The following SYTL5 variants were observed in gnomAD, a reference collection of about 807,000 sequenced individuals.
SYTL5 encodes the protein synaptotagmin-like protein 5.
SYTL5 carries 34 observed loss-of-function variants against 55.9 expected under a neutral mutation model. That is an observed-to-expected ratio of 0.61 (90% CI 0.46 to 0.81). The LOEUF (loss-of-function observed/expected upper bound fraction) is 0.81. SYTL5 is among the 30% of genes least tolerant of loss of function. The pLI, the probability that SYTL5 is intolerant of heterozygous loss-of-function variation, is 0.00. For synonymous variants in SYTL5, 221 were observed against 188.7 expected, an observed-to-expected ratio of 1.17 and a Z score of -1.40; for missense variants, 637 against 546.7, an observed-to-expected ratio of 1.17 and a Z score of -1.65.
the SYTL5 span, among the ~76,000 whole-genome samples, chrX:37,985,134 A>G: frequency 3.6e-5 from 4 of 112,032 alleles, no homozygotes; most frequent in South Asian, 1.5e-3. Context: ...AGGGTAGTTA[A>G]GCAAAGATAC....
At chrX:38,035,597 A>G (rs760973499) in intron 2 of SYTL5, among the ~76,000 whole-genome samples, 109 of 109,152 alleles carry the variant, frequency 1.0e-3, no homozygotes, top group African/African-American at 3.4e-3. Flanking sequence ...TCTCAAAAAA[A>G]AAAAAAAAAT....
At chrX:37,946,572 T>C in the SYTL5 span, 5,090 of 165,786 alleles carry the variant, frequency 0.031, 88 homozygotes, top group African/African-American at 0.07. Context: ...AAACTATTGA[T>C]GCCCATCGTG....
chrX:38,011,445 C>T (rs747382547), intron 1 of SYTL5, among the ~76,000 whole-genome samples: 4 of 108,839 alleles, frequency 3.7e-5, no homozygotes, highest in African/African-American at 1.3e-4. Context: ...TCCTGGCTAA[C>T]ATGGTGAAAC....
At chrX:38,089,651 A>G in intron 7 of SYTL5, 64 bp downstream of exon 7, 1 of 1,075,684 alleles carries the variant, frequency 9.3e-7, no homozygotes, top group Non-Finnish European at 1.3e-6. Context: ...AAGAACTGCC[A>G]GAGATTGGGT....
the SYTL5 span, among the ~76,000 whole-genome samples, chrX:37,917,722 GT>G: frequency 4.5e-5 from 5 of 111,269 alleles, no homozygotes; most frequent in African/African-American, 1.6e-4. Flanking sequence ...TGTTACTGAT[GT>G]TTTTTTCAGA....
At chrX:38,040,832 C>G (rs769010578) in intron 2 of SYTL5, among the ~76,000 whole-genome samples, 1 of 111,531 alleles carries the variant, frequency 9.0e-6, no homozygotes, top group Non-Finnish European at 1.9e-5. Flanking sequence ...GGGTATATAC[C>G]TAGGAGTGGG....
At chrX:37,996,412 G>A in the SYTL5 span, among the ~76,000 whole-genome samples, 1 of 112,292 alleles carries the variant, frequency 8.9e-6, no homozygotes, top group African/African-American at 3.2e-5. Context: ...GAGTCTCTCT[G>A]GCCTGTATCC....
At chrX:38,018,510 T>C (rs1346166941) in intron 1 of SYTL5, among the ~76,000 whole-genome samples, 3 of 111,699 alleles carry the variant, frequency 2.7e-5, no homozygotes, top group African/African-American at 9.8e-5. Flanking sequence ...ACCTTTGTTG[T>C]TGCACCATAA....
the SYTL5 span, among the ~76,000 whole-genome samples, chrX:37,950,886 G>A: frequency 1.8e-5 from 2 of 110,817 alleles, no homozygotes; most frequent in African/African-American, 6.5e-5. Context: ...GTTAATCAGT[G>A]CAGCACATGA....
At chrX:37,924,260 T>G in the SYTL5 span, among the ~76,000 whole-genome samples, 40 of 111,755 alleles carry the variant, frequency 3.6e-4, no homozygotes, top group African/African-American at 1.3e-3. Context: ...AGTCATGGGT[T>G]CAAATCCTAC....
In SYTL5 at chrX:38,092,142, C is replaced by T. The variant is rs1039461355; in HGVS notation, c.832-2153C>T. On this transcript the variant is annotated intron_variant, in intron 7 of 16. Coordinates refer to ENST00000297875, the MANE Select transcript of SYTL5 (RefSeq NM_138780.3). ...TTAGATGATGAGCAAGGTAACAACT[C>T]AGTTTCTCCCATTTCTTAGCATCTC... Among the ~76,000 whole-genome samples the T allele has an allele frequency of 4.5e-5, 5 of 112,256 alleles. No homozygotes were observed. In the East Asian group the frequency reaches 1.4e-3, roughly 31 times the overall value.
the SYTL5 span, among the ~76,000 whole-genome samples, chrX:37,982,105 A>G: frequency 2.7e-5 from 3 of 112,533 alleles, no homozygotes; most frequent in Non-Finnish European, 5.6e-5. Flanking sequence ...ATGTGATGTA[A>G]CAGACAAGGA....
the SYTL5 span, among the ~76,000 whole-genome samples, chrX:37,964,279 A>C: frequency 1.8e-5 from 2 of 111,801 alleles, no homozygotes; most frequent in African/African-American, 6.5e-5. Flanking sequence ...CTTGATCTTG[A>C]ATTTCTCACC....
the SYTL5 span, among the ~76,000 whole-genome samples, chrX:37,974,122 T>C: frequency 3.6e-5 from 4 of 111,088 alleles, no homozygotes; most frequent in East Asian, 8.5e-4. Flanking sequence ...TCTAGAGATA[T>C]AATGTACAGT....
At chrX:37,982,412 T>A in the SYTL5 span, among the ~76,000 whole-genome samples, 1 of 111,764 alleles carries the variant, frequency 8.9e-6, no homozygotes, top group East Asian at 2.8e-4. Flanking sequence ...TTTAAAAAAA[T>A]TAAAGAAAGT....
the SYTL5 span, among the ~76,000 whole-genome samples, chrX:37,979,384 A>C: frequency 2.8e-5 from 3 of 107,777 alleles, no homozygotes; most frequent in South Asian, 1.3e-3. Context: ...TTAAATCTTT[A>C]ATATCTAGCT....
the SYTL5 span, among the ~76,000 whole-genome samples, chrX:37,984,486 G>A: frequency 8.9e-6 from 1 of 111,898 alleles, no homozygotes; most frequent in South Asian, 3.7e-4. Flanking sequence ...GATTGAATTA[G>A]TAATCAAAAA....
At chrX:38,108,396 T>C (rs1299657265) in intron 11 of SYTL5, among the ~76,000 whole-genome samples, 1 of 111,664 alleles carries the variant, frequency 9.0e-6, no homozygotes, top group Non-Finnish European at 1.9e-5. Context: ...ACCCACACTC[T>C]TTTATCATTA....
chrX:38,075,199 A>G (rs1171590155), intron 5 of SYTL5, among the ~76,000 whole-genome samples: 2 of 111,656 alleles, frequency 1.8e-5, no homozygotes, highest in East Asian at 5.6e-4. Context: ...ATTCTGAATC[A>G]TTGAAACCAT....
Sources: gnomAD v4.1 joint callset for allele counts (sites outside exome capture counted in the v4.1 genomes callset) on GRCh38, gnomAD v4.1.1 for gene constraint, MANE v1.5 for transcripts, NCBI Gene and HGNC (gene_info 2026-07-23, HGNC 2026-07-21) for gene names.